Variants in CSRNP1 observed in about 807,000 individuals in gnomAD.
CSRNP1 encodes cysteine and serine rich nuclear protein 1.
Under a neutral mutation model 25.0 loss-of-function variants are expected in CSRNP1, and 8 were observed. That is an observed-to-expected ratio of 0.32 (90% CI 0.19 to 0.58). CSRNP1 has a LOEUF of 0.58. Among genes scored for constraint, CSRNP1 ranks in the 20% least tolerant of loss-of-function variants. The pLI, the probability that CSRNP1 is intolerant of heterozygous loss-of-function variation, is 0.88. For synonymous variants in CSRNP1, 305 were observed against 303.1 expected (o/e 1.01, Z -0.06); for missense variants, 691 against 773.1 (o/e 0.89, Z 1.26).
Position 39,142,469 on chromosome 3 carries a change from A to G in CSRNP1, c.*586T>C, listed in dbSNP as rs566530306. 2.6e-5 allele frequency: 4 copies of G among 152,872 alleles called. No individual in the cohort carries two copies. Among genetic ancestry groups the G allele is most frequent in the Admixed American group, 6.5e-5 (1 of 15,292 alleles). The allele number at this position is 152,872 out of a possible 1,614,324, so 9.5% of individuals were successfully genotyped here. A position where few individuals can be genotyped will look rare whatever the true frequency, so the allele number is the denominator to read the frequency against. The stretch of plus-strand genomic sequence containing the variant: ...GAGCTCAAATCCACACCTAGTCTGC[A>G]CCAAAGCCCAGGCAGGGCAAGGTGT... On this transcript the variant is annotated 3_prime_UTR_variant, in exon 5 of 5. Transcript: ENST00000273153.
rs868797872 is a variant in CSRNP1, at chr3:39,142,824, G to T, written c.*231C>A. ...AGATAGAAGAGCAAGCTGTGGGTGT[G>T]GGGGGCCGGGCAGCTGAAAGGGGAA... On this transcript the variant is annotated 3_prime_UTR_variant, in exon 5 of 5. Transcript: ENST00000273153. The T allele has an allele frequency of 4.7e-6, 2 of 426,018 alleles. No homozygotes were observed. Among genetic ancestry groups the T allele is most frequent in the Non-Finnish European group, 8.3e-6 (2 of 241,018 alleles). The allele number at this position is 426,018 out of a possible 1,614,324, so 26.4% of individuals were successfully genotyped here.
chr3:39,146,196 A>T (rs868205019), intron 2 of CSRNP1, among the ~76,000 whole-genome samples: 1 of 152,172 alleles, frequency 6.6e-6, no homozygotes, highest in South Asian at 2.1e-4. Context: ...CATTGGAGAA[A>T]CGAAACTGGA....
At chr3:39,149,984 G>C (rs1051634237) in intron 1 of CSRNP1, 1 of 152,150 alleles carries the variant, frequency 6.6e-6, no homozygotes, top group Non-Finnish European at 1.5e-5. Context: ...GTAATCAGGA[G>C]ATGAATGACA....
At position 39,145,084 on chromosome 3, in the gene CSRNP1, A is replaced by G; in HGVS notation, c.378T>C (p.Ala126=). The G allele has an allele frequency of 6.2e-7, 1 of 1,614,254 alleles. No individual in the cohort carries two copies. The highest frequency in any genetic ancestry group is 8.5e-7 in the Non-Finnish European group (1 of 1,180,044). The change falls in exon 3 of 5, where the codon GCT becomes GCC. Residue 126 remains alanine (A), a synonymous_variant. Transcript: ENST00000273153. The part of the protein sequence containing the change: ...RHSACRRFSL[A]EFAQEQARAR... ...CACGGGCTTGCTCCTGCGCAAACTC[A>G]GCCAAAGAGAAGCGACGGCAAGCAC...
Position 39,142,815 on chromosome 3 carries a change from T to C in CSRNP1, c.*240A>G. On this transcript the variant is annotated 3_prime_UTR_variant, in exon 5 of 5. Transcript: ENST00000273153. ...ACGTTGTGGAGATAGAAGAGCAAGC[T>C]GTGGGTGTGGGGGGCCGGGCAGCTG... 1 of 412,034 alleles carries C rather than the reference T, an allele frequency of 2.4e-6. No individual in the cohort carries two copies. Among genetic ancestry groups the C allele is most frequent in the Non-Finnish European group, 4.3e-6 (1 of 231,342 alleles). 25.5% of individuals were successfully genotyped at this position (412,034 alleles called of 1,614,324 possible).
rs2039469524 is a variant in CSRNP1, at chr3:39,144,254, C to G, written c.663G>C (p.Arg221=). The change falls in exon 4 of 5, where the codon CGG becomes CGC. Residue 221 remains arginine, a synonymous_variant. Transcript: ENST00000273153. ...GTGCCTGCAGCTCCCGCTTCTCCTC[C>G]CGATCGATCCTTCGCACACCTGAAG... The part of the protein sequence containing the change: ...LRASGVRRID[R]EEKRELQALR... 6.2e-7 allele frequency: 1 copy of G among 1,614,058 alleles called. No individual in the cohort carries two copies. Among genetic ancestry groups the G allele is most frequent in the Non-Finnish European group, 8.5e-7 (1 of 1,180,042 alleles).
chr3:39,144,289 G>C lies in CSRNP1; in HGVS notation c.628C>G (p.Leu210Val). 6.2e-7 allele frequency: 1 copy of C among 1,614,156 alleles called. No homozygotes were observed. Among genetic ancestry groups the C allele is most frequent in the South Asian group, 1.1e-5 (1 of 91,088 alleles). Residue 210 changes from leucine to valine, a missense_variant, in exon 4 of 5, where the codon CTG (leucine) becomes GTG (valine). Transcript: ENST00000273153. Reference protein sequence around the residue: ...QPYPARRRRALLRASGVRRID... With the variant: ...QPYPARRRRAVLRASGVRRID... ...CTTCGCACACCTGAAGCCCTCAGCA[G>C]AGCTCGACGTCGCCGGGCTGGGTAG...
chr3:39,145,112 T>C lies in CSRNP1; in HGVS notation c.350A>G (p.His117Arg). 1 of 1,614,252 alleles carries C rather than the reference T, an allele frequency of 6.2e-7. No homozygotes were observed. Among genetic ancestry groups the C allele is most frequent in the Non-Finnish European group, 8.5e-7 (1 of 1,180,044 alleles). ...GGCTLGMALR[H>R]SACRRFSLAE... Reference sequence around the variant, plus strand: ...CAAAGAGAAGCGACGGCAAGCACTGTGGCGAAGGGCCATACCCAGAGTACA... The same window carrying C: ...CAAAGAGAAGCGACGGCAAGCACTGCGGCGAAGGGCCATACCCAGAGTACA... Residue 117 changes from histidine to arginine, a missense_variant, in exon 3 of 5, where the codon CAC (histidine) becomes CGC (arginine). Transcript: ENST00000273153.
In CSRNP1 at chr3:39,142,098, C is replaced by A. The variant is rs563075417; in HGVS notation, c.*957G>T. 2 of 152,678 alleles carry A rather than the reference C, an allele frequency of 1.3e-5. No homozygotes were observed. The highest frequency in any genetic ancestry group is 2.1e-4 in the South Asian group (1 of 4,832). 9.5% of individuals were successfully genotyped at this position (152,678 alleles called of 1,614,324 possible). On this transcript the variant is annotated 3_prime_UTR_variant, in exon 5 of 5. Coordinates refer to ENST00000273153, the MANE Select transcript of CSRNP1 (RefSeq NM_033027.4). ...ACCCTCAGGAGCCACCCCTCGCCAACTGGCCTCAGGGCATGGGCAGGTGGG... is the reference window on the plus strand; with the variant it reads ...ACCCTCAGGAGCCACCCCTCGCCAAATGGCCTCAGGGCATGGGCAGGTGGG...
rs2039613185 is a variant in CSRNP1 at position 39,153,489 on chromosome 3, G to A, written c.-92C>T. 1 of 313,544 alleles carries A rather than the reference G, an allele frequency of 3.2e-6. No individual in the cohort carries two copies. The highest frequency in any genetic ancestry group is 6.7e-6 in the Non-Finnish European group (1 of 149,046). 19.4% of individuals were successfully genotyped at this position (313,544 alleles called of 1,614,324 possible). ...AACGACGCGACCCGCGTCCCGGCCG[G>A]GGACGCCCCCTGCGCCGCGACTCTG... On this transcript the variant is annotated 5_prime_UTR_variant, in exon 1 of 5. Transcript: ENST00000273153.
At position 39,153,468 on chromosome 3, in the gene CSRNP1, A is replaced by ACGCGAC. The variant is rs2039612718; in HGVS notation, c.-77_-72dup. 1 of 321,876 alleles carries ACGCGAC rather than the reference A, an allele frequency of 3.1e-6. No individual in the cohort carries two copies. The highest frequency in any genetic ancestry group is 2.0e-5 in the South Asian group (1 of 49,290). The allele number at this position is 321,876 out of a possible 1,614,324, so 19.9% of individuals were successfully genotyped here. A position where few individuals can be genotyped will look rare whatever the true frequency, so the allele number is the denominator to read the frequency against. On this transcript the variant is annotated 5_prime_UTR_variant, in exon 1 of 5. Coordinates refer to ENST00000273153, the MANE Select transcript of CSRNP1 (RefSeq NM_033027.4). ...ATCCGGACGCTCGCGGAGGACAACGACGCGACCCGCGTCCCGGCCGGGGAC... is the reference window on the plus strand; with the variant it reads ...ATCCGGACGCTCGCGGAGGACAACGACGCGACCGCGACCCGCGTCCCGGCCGGGGAC...
chr3:39,147,463 C>A (rs145068081), intron 1 of CSRNP1, among the ~76,000 whole-genome samples: 1 of 152,118 alleles, frequency 6.6e-6, no homozygotes, highest in African/African-American at 2.4e-5. Flanking sequence ...CTTCCCCTCC[C>A]GGTGTGGGAG....
At position 39,144,979 on chromosome 3, in the gene CSRNP1, G is replaced by A. The variant is rs368112233; in HGVS notation, c.465+18C>T. 19 of 1,586,474 alleles carry A rather than the reference G, an allele frequency of 1.2e-5. No individual in the cohort carries two copies. Among genetic ancestry groups the A allele is most frequent in the South Asian group, 4.5e-5 (4 of 88,044 alleles). On this transcript the variant is annotated intron_variant, in intron 3 of 4. Transcript: ENST00000273153. ...GGAGCTGCCTCAGGAGGTGCGCCAC[G>A]GAGAGGACTCTCTCTACCTTCCACT...
chr3:39,153,442 A>T lies in CSRNP1; in HGVS notation c.-45T>A, dbSNP rs1204715284. 3.0e-6 allele frequency: 1 copy of T among 331,462 alleles called. No individual in the cohort carries two copies. Among genetic ancestry groups the T allele is most frequent in the African/African-American group, 2.3e-5 (1 of 44,162 alleles). 20.5% of individuals were successfully genotyped at this position (331,462 alleles called of 1,614,324 possible). A position where few individuals can be genotyped will look rare whatever the true frequency, so the allele number is the denominator to read the frequency against. ...CCGAGGCCCCTCGGCGCTCACCTGC[A>T]ATCCGGACGCTCGCGGAGGACAACG... On this transcript the variant is annotated 5_prime_UTR_variant, in exon 1 of 5. Transcript: ENST00000273153.
chr3:39,147,421 C>G (rs1470296110), intron 1 of CSRNP1, among the ~76,000 whole-genome samples: 5 of 152,110 alleles, frequency 3.3e-5, no homozygotes, highest in African/African-American at 1.2e-4. Flanking sequence ...TTGACGTTGG[C>G]CTCCATTCCT....
rs2039459871 is a variant in CSRNP1 at position 39,143,861 on chromosome 3, T to C, written c.964A>G (p.Ser322Gly). 1.2e-6 allele frequency: 2 copies of C among 1,614,078 alleles called. No individual in the cohort carries two copies. Among genetic ancestry groups the C allele is most frequent in the Admixed American group, 3.3e-5 (2 of 60,008 alleles). Residue 322 changes from serine to glycine, a missense_variant, in exon 5 of 5, where the codon AGC (serine) becomes GGC (glycine). Coordinates refer to ENST00000273153, the MANE Select transcript of CSRNP1 (RefSeq NM_033027.4). ...LEAPAQGSPPSPGEEALVPTF... is the reference protein window; with the variant it reads ...LEAPAQGSPPGPGEEALVPTF... ...GGGACCAGGGCCTCCTCACCAGGGCTGGGTGGGCTGCCCTGGGCAGGGGCC... is the reference window on the plus strand; with the variant it reads ...GGGACCAGGGCCTCCTCACCAGGGCCGGGTGGGCTGCCCTGGGCAGGGGCC...
chr3:39,147,222 T>C (rs1292932354), intron 1 of CSRNP1, among the ~76,000 whole-genome samples: 1 of 121,484 alleles, frequency 8.2e-6, no homozygotes, highest in African/African-American at 2.6e-5. Flanking sequence ...TGTGTGTGTG[T>C]GTGTGTGTGT....
intron 2 of CSRNP1, 121 bp downstream of exon 2, chr3:39,146,357 G>T: frequency 8.1e-7 from 1 of 1,238,350 alleles, no homozygotes. Context: ...TATAGCTCAT[G>T]AGAGCTACCG....
Position 39,142,971 on chromosome 3 carries a change from A to G in CSRNP1, c.*84T>C. The G allele has an allele frequency of 6.8e-7, 1 of 1,460,614 alleles. No individual in the cohort carries two copies. Among genetic ancestry groups the G allele is most frequent in the Non-Finnish European group, 9.2e-7 (1 of 1,086,638 alleles). The allele number at this position is 1,460,614 out of a possible 1,614,324, so 90.5% of individuals were successfully genotyped here. A position where few individuals can be genotyped will look rare whatever the true frequency, so the allele number is the denominator to read the frequency against. On this transcript the variant is annotated 3_prime_UTR_variant, in exon 5 of 5. Coordinates refer to ENST00000273153, the MANE Select transcript of CSRNP1 (RefSeq NM_033027.4). ...CTGTGGGTGAGCCAGCCAGTGGGAG[A>G]CTGTTACGCAGACTCTGGGGAGCCC...
Sources: allele counts gnomAD v4.1 joint callset (sites outside exome capture counted in the v4.1 genomes callset), GRCh38; gene constraint gnomAD v4.1.1; transcripts MANE v1.5; gene names NCBI Gene and HGNC (gene_info 2026-07-23, HGNC 2026-07-21).